ASPRV1: variants seen among roughly 807,000 people sequenced by gnomAD.
The protein encoded by ASPRV1 is aspartic peptidase retroviral like 1, also known as retroviral-like aspartic protease 1.
A neutral mutation model predicts 11.0 loss-of-function variants in ASPRV1; 7 were observed. The observed-to-expected ratio is 0.64, with a 90% CI of 0.36 to 1.20. The LOEUF (loss-of-function observed/expected upper bound fraction) is 1.20. Among genes scored for constraint, ASPRV1 ranks in the 50% most tolerant of loss-of-function variants. ASPRV1 has a pLI of 0.02. For synonymous variants in ASPRV1, 136 were observed against 138.4 expected (o/e 0.98, Z 0.12); for missense variants, 299 against 320.0 (o/e 0.93, Z 0.50).
At chr2:69,975,761 G>C in the ASPRV1 span, 2 of 152,316 alleles carry the variant, frequency 1.3e-5, no homozygotes, top group African/African-American at 4.8e-5. Flanking sequence ...TGAGTGGAAG[G>C]CCAGGCAGAG....
chr2:69,984,697 T>G, the ASPRV1 span, among the ~76,000 whole-genome samples: 2 of 138,878 alleles, frequency 1.4e-5, no homozygotes, highest in Non-Finnish European at 3.1e-5. Context: ...CTCGGCTCCC[T>G]GCAACCTCTA....
chr2:70,046,946 T>A, the ASPRV1 span: 1 of 152,222 alleles, frequency 6.6e-6, no homozygotes, highest in Non-Finnish European at 1.5e-5. Context: ...ACGCTGTTTT[T>A]AAAATACATA....
At chr2:69,965,488 C>T (rs921448036), upstream of ASPRV1, among the ~76,000 whole-genome samples, 2 of 152,102 alleles carry the variant, frequency 1.3e-5, no homozygotes, top group Admixed American at 1.3e-4. Context: ...CTCATAAACT[C>T]ATAATGTTTT....
the ASPRV1 span, among the ~76,000 whole-genome samples, chr2:70,067,482 T>G: frequency 2.0e-5 from 3 of 152,224 alleles, no homozygotes; most frequent in African/African-American, 7.2e-5. Flanking sequence ...TGGAAATACC[T>G]TAATGTCTTC....
At chr2:69,978,892 C>A in the ASPRV1 span, among the ~76,000 whole-genome samples, 10 of 152,180 alleles carry the variant, frequency 6.6e-5, no homozygotes, top group Non-Finnish European at 1.5e-5. Flanking sequence ...GCCATATCTT[C>A]ATATTTCTTC....
chr2:70,064,771 T>A, the ASPRV1 span, among the ~76,000 whole-genome samples: 2 of 152,302 alleles, frequency 1.3e-5, no homozygotes, highest in East Asian at 3.9e-4. Context: ...GACATTGTCC[T>A]AGGTGCTAGG....
At chr2:69,948,837 T>C in the ASPRV1 span, among the ~76,000 whole-genome samples, 223 of 151,982 alleles carry the variant, frequency 1.5e-3, 2 homozygotes, top group Non-Finnish European at 3.8e-4. Flanking sequence ...CTGACAGCAC[T>C]CAGGCCTCCC....
chr2:70,081,190 C>T, the ASPRV1 span: 1 of 152,196 alleles, frequency 6.6e-6, no homozygotes, highest in Admixed American at 6.5e-5. Context: ...GGGTAAGATA[C>T]ATTGCTTGGA....
chr2:69,939,553 A>G, the ASPRV1 span: 7 of 152,778 alleles, frequency 4.6e-5, no homozygotes, highest in Non-Finnish European at 1.0e-4. Context: ...TGTAATGGAA[A>G]ACAAATTCTT....
At chr2:70,022,346 AACACACACACACACTTACACACACAC>A in the ASPRV1 span, among the ~76,000 whole-genome samples, 2 of 138,520 alleles carry the variant, frequency 1.4e-5, no homozygotes, top group African/African-American at 2.8e-5. Flanking sequence ...TTCTTACCAA[AACACACACACACACTTACACACACAC>A]ACACACACAC....
At chr2:70,008,048 C>T in the ASPRV1 span, among the ~76,000 whole-genome samples, 5 of 152,068 alleles carry the variant, frequency 3.3e-5, no homozygotes, top group Non-Finnish European at 5.9e-5. Context: ...GTTGGCCAGG[C>T]TGGTCTTGAA....
At chr2:70,082,637 G>A in the ASPRV1 span, among the ~76,000 whole-genome samples, 2 of 152,200 alleles carry the variant, frequency 1.3e-5, no homozygotes, top group Non-Finnish European at 2.9e-5. Context: ...TTGAACCTGG[G>A]AGGCAGTGGT....
At chr2:69,991,391 C>A in the ASPRV1 span, among the ~76,000 whole-genome samples, 1 of 152,170 alleles carries the variant, frequency 6.6e-6, no homozygotes, top group Admixed American at 6.5e-5. Context: ...TTTTAGTGAA[C>A]CCAAATATAA....
chr2:70,016,626 T>A, the ASPRV1 span, among the ~76,000 whole-genome samples: 2 of 152,062 alleles, frequency 1.3e-5, no homozygotes, highest in African/African-American at 4.8e-5. Flanking sequence ...GCAGGCAGAC[T>A]TGAGGTCAGG....
the ASPRV1 span, among the ~76,000 whole-genome samples, chr2:69,998,773 G>C: frequency 0.037 from 5,676 of 151,470 alleles, 363 homozygotes; most frequent in African/African-American, 0.13. Flanking sequence ...ACACAGGTAA[G>C]AACAGGCTAG....
the ASPRV1 span, among the ~76,000 whole-genome samples, chr2:69,997,232 T>C: frequency 1.3e-5 from 2 of 149,770 alleles, no homozygotes; most frequent in Non-Finnish European, 1.5e-5. Context: ...CAGAGGAGGA[T>C]GCTTGTGAAC....
the ASPRV1 span, among the ~76,000 whole-genome samples, chr2:70,076,589 C>T: frequency 1.3e-5 from 2 of 152,148 alleles, no homozygotes; most frequent in African/African-American, 2.4e-5. Context: ...GGTTACATCT[C>T]GAATACCGTA....
chr2:70,061,587 G>A, the ASPRV1 span, among the ~76,000 whole-genome samples: 1 of 152,196 alleles, frequency 6.6e-6, no homozygotes, highest in Non-Finnish European at 1.5e-5. Flanking sequence ...GATGAGACTT[G>A]AGAAACATGC....
chr2:70,017,566 T>C, the ASPRV1 span, among the ~76,000 whole-genome samples: 14 of 152,152 alleles, frequency 9.2e-5, no homozygotes, highest in East Asian at 9.6e-4. Flanking sequence ...GAAATAAAAT[T>C]TGTCCAAATC....
Sources: gnomAD v4.1 joint callset for allele counts (sites outside exome capture counted in the v4.1 genomes callset) on GRCh38, gnomAD v4.1.1 for gene constraint, MANE v1.5 for transcripts, NCBI Gene and HGNC (gene_info 2026-07-23, HGNC 2026-07-21) for gene names.